The following NAA11 variants were observed in gnomAD, a reference collection of about 807,000 sequenced individuals.
NAA11 encodes the protein N-alpha-acetyltransferase 11.
Under a neutral mutation model 16.1 loss-of-function variants are expected in NAA11, and 15 were observed. The observed-to-expected ratio is 0.93, with a 90% confidence interval of 0.62 to 1.44. The LOEUF (loss-of-function observed/expected upper bound fraction) is 1.44. Ranked by LOEUF, NAA11 falls within the 40% of genes most tolerant of loss-of-function variation. The pLI is 0.00. For missense variants in NAA11, 298 were observed against 291.3 expected, an observed-to-expected ratio of 1.02 and a Z score of -0.17; for synonymous variants, 122 against 112.4, an observed-to-expected ratio of 1.09 and a Z score of -0.54.
the NAA11 span, among the ~76,000 whole-genome samples, chr4:79,217,000 C>T: frequency 6.6e-6 from 1 of 152,198 alleles, no homozygotes; most frequent in Non-Finnish European, 1.5e-5. Context: ...GAAAAATGTA[C>T]ATTAATGACA....
chr4:79,225,769 C>T (rs896216379), exon 3 of NAA11: 2 of 151,940 alleles, frequency 1.3e-5, no homozygotes, highest in African/African-American at 4.8e-5. Flanking sequence ...TTGGCTTTTC[C>T]AAATCTGCAG....
chr4:79,197,252 T>C, the NAA11 span, among the ~76,000 whole-genome samples: 7 of 152,080 alleles, frequency 4.6e-5, no homozygotes, highest in African/African-American at 1.7e-4. Context: ...TTTTAAGGCA[T>C]ATTTTATTTC....
In NAA11 at chr4:79,325,327, G is replaced by C. The variant is rs998288829; in HGVS notation, c.551C>G (p.Thr184Arg). ...ACAGGCCTCTTCAGAATCAGAAAGTGTGCTGCCCTGGGTCTCCTGGTTCTC... is the reference window on the plus strand; with the variant it reads ...ACAGGCCTCTTCAGAATCAGAAAGTCTGCTGCCCTGGGTCTCCTGGTTCTC... ...SRENQETQGSTLSDSEEACQQ... is the reference protein window; with the variant it reads ...SRENQETQGSRLSDSEEACQQ... Residue 184 changes from threonine to arginine, a missense_variant, in exon 1 of 2, where the codon ACA becomes AGA. Transcript: ENST00000286794. The C allele has an allele frequency of 2.5e-6, 4 of 1,613,838 alleles. No homozygotes were observed. The African/African-American group carries it at 5.3e-5, about 22-fold the overall frequency.
intron 1 of NAA11, among the ~76,000 whole-genome samples, chr4:79,311,644 A>G (rs529510751): frequency 6.6e-6 from 1 of 152,344 alleles, no homozygotes; most frequent in Admixed American, 6.5e-5. Flanking sequence ...ACCTTAGGGT[A>G]TAACTCTAGG....
At chr4:79,299,113 T>A (rs984871765) in intron 1 of NAA11, 1 of 152,220 alleles carries the variant, frequency 6.6e-6, no homozygotes, top group Non-Finnish European at 1.5e-5. Flanking sequence ...CAAATATACA[T>A]TCAACATTTT....
chr4:79,288,917 T>C (rs1723012306), intron 2 of NAA11, among the ~76,000 whole-genome samples: 1 of 152,196 alleles, frequency 6.6e-6, no homozygotes, highest in African/African-American at 2.4e-5. Flanking sequence ...TTCAGTATAC[T>C]TTTTCACTTA....
the NAA11 span, among the ~76,000 whole-genome samples, chr4:79,211,982 C>T: frequency 6.6e-6 from 1 of 152,184 alleles, no homozygotes; most frequent in Non-Finnish European, 1.5e-5. Context: ...CTTAAAAAGA[C>T]TCTGCCAATG....
At chr4:79,294,520 C>T (rs746574348) in intron 1 of NAA11, among the ~76,000 whole-genome samples, 1 of 152,116 alleles carries the variant, frequency 6.6e-6, no homozygotes, top group Admixed American at 6.5e-5. Context: ...ATGAACATGT[C>T]TAAATGCAAA....
chr4:79,176,373 T>C, the NAA11 span, among the ~76,000 whole-genome samples: 7 of 152,250 alleles, frequency 4.6e-5, no homozygotes, highest in Non-Finnish European at 7.4e-5. Context: ...TATAGAGAGA[T>C]TTATTTTAAG....
intron 2 of NAA11, among the ~76,000 whole-genome samples, chr4:79,281,585 A>C (rs1048406497): frequency 6.6e-6 from 1 of 152,162 alleles, no homozygotes; most frequent in Non-Finnish European, 1.5e-5. Flanking sequence ...GTGATTAATA[A>C]ATAAAAAATA....
the NAA11 span, among the ~76,000 whole-genome samples, chr4:79,205,049 T>G: frequency 6.6e-6 from 1 of 151,984 alleles, no homozygotes; most frequent in Non-Finnish European, 1.5e-5. Context: ...CACCACATTT[T>G]CTTTATCCAC....
the NAA11 span, among the ~76,000 whole-genome samples, chr4:79,174,971 G>C: frequency 6.6e-6 from 1 of 152,102 alleles, no homozygotes; most frequent in Non-Finnish European, 1.5e-5. Flanking sequence ...GGCTCTTCTT[G>C]AAAGAAGGGA....
At chr4:79,228,269 A>G (rs1017558855) in intron 2 of NAA11, among the ~76,000 whole-genome samples, 2 of 152,088 alleles carry the variant, frequency 1.3e-5, no homozygotes, top group African/African-American at 4.8e-5. Context: ...CACTAATACT[A>G]GTACTGTTAT....
the NAA11 span, among the ~76,000 whole-genome samples, chr4:79,196,979 A>AAAAAAAAAAAAAAAAAAAAG: frequency 1.4e-4 from 18 of 125,540 alleles, no homozygotes; most frequent in African/African-American, 2.7e-4. Context: ...AAAAAAAAAA[A>AAAAAAAAAAAAAAAAAAAAG]AAAGAAAGAA....
intron 2 of NAA11, among the ~76,000 whole-genome samples, chr4:79,263,413 T>C (rs1722279530): frequency 6.6e-6 from 1 of 152,198 alleles, no homozygotes; most frequent in African/African-American, 2.4e-5. Flanking sequence ...TGGGAGTTCC[T>C]GAACAGCAGG....
the NAA11 span, among the ~76,000 whole-genome samples, chr4:79,170,427 T>C: frequency 6.6e-6 from 1 of 152,212 alleles, no homozygotes; most frequent in South Asian, 2.1e-4. Flanking sequence ...GAGAGGACAT[T>C]CAGATGTTTC....
the NAA11 span, among the ~76,000 whole-genome samples, chr4:79,196,979 A>AAG: frequency 8.8e-5 from 11 of 125,652 alleles, no homozygotes; most frequent in African/African-American, 1.2e-4. Context: ...AAAAAAAAAA[A>AAG]AAAGAAAGAA....
intron 2 of NAA11, among the ~76,000 whole-genome samples, chr4:79,264,342 T>A (rs1354076744): frequency 6.6e-6 from 1 of 152,232 alleles, no homozygotes; most frequent in Non-Finnish European, 1.5e-5. Context: ...CATAAATTTT[T>A]TTAAAAATTT....
Position 79,244,895 on chromosome 4 carries a change from CG to C in NAA11, c.*123-18626del, listed in dbSNP as rs569671338. 2.1e-3 allele frequency: 338 copies of C among 162,334 alleles called. 1 individual carries two copies. The highest frequency in any genetic ancestry group is 7.3e-3 in the African/African-American group (303 of 41,700). 10.1% of individuals were successfully genotyped at this position (162,334 alleles called of 1,614,324 possible). The stretch of plus-strand genomic sequence containing the variant: ...TGCCCGCCTCGGCCTCCCGAGGTGC[CG>C]GGATTGCAGACGGGAGTCTCGCTTA... On this transcript the variant is annotated intron_variant and NMD_transcript_variant, in intron 2 of 2. Transcript: ENST00000511542.
Sources: gnomAD v4.1 joint callset for allele counts (sites outside exome capture counted in the v4.1 genomes callset) on GRCh38, gnomAD v4.1.1 for gene constraint, MANE v1.5 for transcripts, NCBI Gene and HGNC (gene_info 2026-07-23, HGNC 2026-07-21) for gene names.